Variants in AKT3 observed in about 807,000 individuals in gnomAD.
AKT3 encodes the protein RAC-gamma serine/threonine-protein kinase.
Under a neutral mutation model 65.3 loss-of-function variants are expected in AKT3, and 15 were observed. The ratio of observed to expected loss-of-function variants is 0.23; its 90% CI spans 0.15 to 0.35. The LOEUF (loss-of-function observed/expected upper bound fraction) is 0.35. AKT3 is among the 10% of genes least tolerant of loss of function. AKT3 has a pLI of 1.00. For missense variants in AKT3, 243 were observed against 576.5 expected, an observed-to-expected ratio of 0.42 and a Z score of 5.92; for synonymous variants, 206 against 183.8, an observed-to-expected ratio of 1.12 and a Z score of -0.98.
At chr1:243,798,908 T>A (rs1692213245) in intron 2 of AKT3, among the ~76,000 whole-genome samples, 1 of 152,202 alleles carries the variant, frequency 6.6e-6, no homozygotes, top group South Asian at 2.1e-4. Flanking sequence ...ACTGTTTTAA[T>A]CTTGCTCCTC....
intron 12 of AKT3, among the ~76,000 whole-genome samples, chr1:243,517,831 T>C (rs2148378261): frequency 6.6e-6 from 1 of 152,356 alleles, no homozygotes; most frequent in South Asian, 2.1e-4. Flanking sequence ...ATTTACCATC[T>C]TGCTATTTGT....
At chr1:243,587,222 TA>T (rs1675874762) in intron 8 of AKT3, among the ~76,000 whole-genome samples, 1 of 152,242 alleles carries the variant, frequency 6.6e-6, no homozygotes, top group Non-Finnish European at 1.5e-5. Flanking sequence ...TGGTGGCTAG[TA>T]TGTAAACAGA....
chr1:243,489,266 T>C, intron 13 of AKT3: 1 of 1,274,910 alleles, frequency 7.8e-7, no homozygotes, highest in Non-Finnish European at 1.1e-6. Flanking sequence ...GGGAGGGAGG[T>C]CCCGAAGACT....
At chr1:243,813,557 G>T (rs374272216) in intron 2 of AKT3, among the ~76,000 whole-genome samples, 1 of 151,718 alleles carries the variant, frequency 6.6e-6, no homozygotes, top group Non-Finnish European at 1.5e-5. Flanking sequence ...GCAATATAAC[G>T]TTAGATTTTT....
At chr1:243,808,781 A>G (rs935873791) in intron 2 of AKT3, among the ~76,000 whole-genome samples, 6 of 152,330 alleles carry the variant, frequency 3.9e-5, no homozygotes, top group Admixed American at 3.9e-4. Flanking sequence ...AGCCAGAGAG[A>G]AAGGTCGGGT....
At chr1:243,687,702 T>C (rs950555905) in intron 3 of AKT3, 3 of 152,120 alleles carry the variant, frequency 2.0e-5, no homozygotes, top group African/African-American at 7.2e-5. Flanking sequence ...TCTTTTCAAA[T>C]TGGAGTATGA....
intron 12 of AKT3, among the ~76,000 whole-genome samples, chr1:243,535,649 C>T (rs1259276134): frequency 1.3e-5 from 2 of 152,114 alleles, no homozygotes; most frequent in South Asian, 4.2e-4. Flanking sequence ...TAGGTTGATT[C>T]CCTATCTTTG....
Position 243,664,766 on chromosome 1 carries a change from T to G in AKT3, c.284+6A>C. 1.4e-6 allele frequency: 2 copies of G among 1,432,366 alleles called. No individual in the cohort carries two copies. Among genetic ancestry groups the G allele is most frequent in the Non-Finnish European group, 1.9e-6 (2 of 1,064,880 alleles). 88.7% of individuals were successfully genotyped at this position (1,432,366 alleles called of 1,614,324 possible). ...TTCACAAAATGAAAACAAGTGAATT[T>G]CTTACCTTTCCTCTGGAGTATCTAC... On this transcript the variant is annotated splice_donor_region_variant and intron_variant, in intron 4 of 13. Transcript: ENST00000673466.
chr1:243,611,391 G>A (rs551515353), intron 8 of AKT3, among the ~76,000 whole-genome samples: 32 of 152,260 alleles, frequency 2.1e-4, no homozygotes, highest in African/African-American at 7.7e-4. Flanking sequence ...TCATTAAGAT[G>A]TAACAATATG....
chr1:243,554,382 A>C (rs1450577969), intron 10 of AKT3, among the ~76,000 whole-genome samples: 2 of 152,164 alleles, frequency 1.3e-5, no homozygotes, highest in Non-Finnish European at 2.9e-5. Flanking sequence ...TGTTTTGTAA[A>C]TCACAAACTA....
chr1:243,490,865 G>A (rs1666233735), intron 13 of AKT3, among the ~76,000 whole-genome samples: 1 of 152,222 alleles, frequency 6.6e-6, no homozygotes, highest in African/African-American at 2.4e-5. Flanking sequence ...CCAGCCCTGT[G>A]GGCAGGTCCC....
At chr1:243,512,257 G>A (rs187141350) in intron 13 of AKT3, 67 bp downstream of exon 13, 98 of 859,056 alleles carry the variant, frequency 1.1e-4, no homozygotes, top group Admixed American at 2.6e-4. Context: ...TTAAAAGACT[G>A]TTTTCTTCAA....
chr1:243,492,604 GTTTTTTTTT>G (rs74162289), intron 13 of AKT3, among the ~76,000 whole-genome samples: 22 of 58,866 alleles, frequency 3.7e-4, no homozygotes, highest in African/African-American at 1.4e-3. Flanking sequence ...GCGCCCAGCT[GTTTTTTTTT>G]TTTTTTTTTT....
intron 3 of AKT3, among the ~76,000 whole-genome samples, chr1:243,690,526 T>G (rs1327188315): frequency 6.6e-6 from 1 of 152,182 alleles, no homozygotes; most frequent in Non-Finnish European, 1.5e-5. Flanking sequence ...CTTACATTTC[T>G]ACAGCACTAC....
intron 2 of AKT3, among the ~76,000 whole-genome samples, chr1:243,761,219 A>G (rs896271262): frequency 6.6e-6 from 1 of 152,204 alleles, no homozygotes; most frequent in Non-Finnish European, 1.5e-5. Flanking sequence ...CAGAAGCCAA[A>G]CTTGAAATTT....
chr1:243,553,912 T>C (rs189373956), intron 10 of AKT3, among the ~76,000 whole-genome samples: 20 of 152,322 alleles, frequency 1.3e-4, no homozygotes, highest in Non-Finnish European at 2.9e-4. Context: ...TTTTATTTGA[T>C]CCTCTCAGCT....
intron 2 of AKT3, among the ~76,000 whole-genome samples, chr1:243,710,383 T>C (rs1400972694): frequency 6.6e-6 from 1 of 152,192 alleles, no homozygotes; most frequent in Non-Finnish European, 1.5e-5. Context: ...AATACTGGCA[T>C]CCATCACCAT....
At chr1:243,833,227 G>A (rs1694649852) in intron 2 of AKT3, among the ~76,000 whole-genome samples, 1 of 152,128 alleles carries the variant, frequency 6.6e-6, no homozygotes, top group Non-Finnish European at 1.5e-5. Flanking sequence ...ACTTCAGCCT[G>A]GGTGATAGAG....
chr1:243,791,755 G>C (rs1691645178), intron 2 of AKT3, among the ~76,000 whole-genome samples: 1 of 152,110 alleles, frequency 6.6e-6, no homozygotes, highest in East Asian at 1.9e-4. Context: ...GAAACATTCT[G>C]CCCCTGGGCG....
Sources: allele counts gnomAD v4.1 joint callset (sites outside exome capture counted in the v4.1 genomes callset), GRCh38; gene constraint gnomAD v4.1.1; transcripts MANE v1.5; gene names NCBI Gene and HGNC (gene_info 2026-07-23, HGNC 2026-07-21).